Variants in MRC1 observed in about 807,000 individuals in gnomAD.
MRC1 encodes the protein mannose receptor C-type 1.
MRC1 carries 62 observed loss-of-function variants against 102.9 expected under a neutral mutation model. That is an observed-to-expected ratio of 0.60 (90% CI 0.49 to 0.74). MRC1 has a LOEUF of 0.74. MRC1 is among the 30% of genes least tolerant of loss of function. The pLI is 0.00. For synonymous variants in MRC1, 457 were observed against 298.4 expected (o/e 1.53, Z -5.48); for missense variants, 1,237 against 862.8 (o/e 1.43, Z -5.43).
Position 17,876,234 on chromosome 10 carries a change from A to G in MRC1, c.2550+981A>G, listed in dbSNP as rs1833435245. On this transcript the variant is annotated intron_variant, in intron 17 of 29. Coordinates refer to ENST00000569591, the MANE Select transcript of MRC1 (RefSeq NM_002438.4). ...GTTTAAATATTTAGTGCAGAATTGC[A>G]GAACTCAGAATCTTTTTTTTTTTTT... Among the ~76,000 whole-genome samples, 3 of 151,612 alleles carry G rather than the reference A, an allele frequency of 2.0e-5. No individual in the cohort carries two copies. The South Asian group carries it at 6.2e-4, about 32-fold the overall frequency.
At chr10:17,821,508 G>GT (rs1201034766) in intron 1 of MRC1, among the ~76,000 whole-genome samples, 1 of 151,664 alleles carries the variant, frequency 6.6e-6, no homozygotes, top group Admixed American at 6.6e-5. Context: ...TAAAGGTTTT[G>GT]TTTTTTGTTT....
At chr10:17,893,399 T>C (rs1331151461) in intron 22 of MRC1, among the ~76,000 whole-genome samples, 1 of 152,154 alleles carries the variant, frequency 6.6e-6, no homozygotes, top group Non-Finnish European at 1.5e-5. Flanking sequence ...TCAAGCGATC[T>C]TCTAGCCTTG....
chr10:17,853,225 T>A (rs1349659411), intron 8 of MRC1, 101 bp downstream of exon 8: 13 of 746,546 alleles, frequency 1.7e-5, no homozygotes, highest in Non-Finnish European at 2.7e-5. Context: ...GTTTTTATTC[T>A]ACATAAATTG....
chr10:17,847,245 G>C (rs1021972022), intron 6 of MRC1, among the ~76,000 whole-genome samples: 3 of 152,132 alleles, frequency 2.0e-5, no homozygotes, highest in African/African-American at 7.2e-5. Context: ...TTACTTTATA[G>C]TTTCTCTGGT....
chr10:17,885,700 A>G (rs1589191566), intron 22 of MRC1, among the ~76,000 whole-genome samples: 1 of 152,012 alleles, frequency 6.6e-6, no homozygotes, highest in East Asian at 1.9e-4. Context: ...CAAAAGAAAC[A>G]CTTCAACCTA....
At chr10:17,868,930 T>C (rs960014705) in intron 12 of MRC1, among the ~76,000 whole-genome samples, 3,234 of 152,324 alleles carry the variant, frequency 0.021, 114 homozygotes, top group African/African-American at 0.074. Context: ...TATTTTATTG[T>C]TACCTCTGGA....
chr10:17,892,827 T>A (rs1489520539), intron 22 of MRC1, among the ~76,000 whole-genome samples: 5 of 151,686 alleles, frequency 3.3e-5, no homozygotes, highest in African/African-American at 1.2e-4. Flanking sequence ...CTGGCCAACA[T>A]GGTGAAACCC....
chr10:17,866,822 T>C, intron 12 of MRC1, 61 bp downstream of exon 12: 4 of 779,994 alleles, frequency 5.1e-6, no homozygotes, highest in Non-Finnish European at 9.6e-6. Context: ...TAAAGAATCA[T>C]CTAAGGACAT....
chr10:17,886,198 C>T (rs951759421), intron 22 of MRC1, among the ~76,000 whole-genome samples: 531 of 151,948 alleles, frequency 3.5e-3, no homozygotes, highest in Non-Finnish European at 4.7e-3. Flanking sequence ...AGTTGACATA[C>T]GTCTATGGTG....
chr10:17,907,579 G>A lies in MRC1; in HGVS notation c.3959G>A (p.Trp1320Ter), dbSNP rs782706044. The change falls in exon 28 of 30, where the codon TGG becomes TAG. Residue 1320 changes from tryptophan (W) to a stop codon, truncating the protein, a stop_gained. Coordinates refer to ENST00000569591, the MANE Select transcript of MRC1 (RefSeq NM_002438.4). LOFTEE classifies it high-confidence loss of function. ...AACAGTCCGGTCTCCTTTGTCAACT[G>A]GAACACAGGAGATCCCTCTGGTGAA... Reference protein sequence around the residue: ...INNSPVSFVNWNTGDPSGERN... With the variant: ...INNSPVSFVN 1.3e-6 allele frequency: 1 copy of A among 780,866 alleles called. No individual in the cohort carries two copies. Among genetic ancestry groups the A allele is most frequent in the Non-Finnish European group, 2.4e-6 (1 of 417,958 alleles). 48.4% of individuals were successfully genotyped at this position (780,866 alleles called of 1,614,324 possible).
chr10:17,894,362 C>A, intron 23 of MRC1, 50 bp downstream of exon 23: 1 of 819,248 alleles, frequency 1.2e-6, no homozygotes, highest in South Asian at 1.4e-5. Flanking sequence ...GTTTTTTTTT[C>A]CCCACTTTTT....
chr10:17,892,475 G>A (rs1236777499), intron 22 of MRC1, among the ~76,000 whole-genome samples: 1 of 152,142 alleles, frequency 6.6e-6, no homozygotes, highest in African/African-American at 2.4e-5. Context: ...GGGGGCAGCT[G>A]TTTGTCTTGT....
chr10:17,883,961 C>G (rs894211175), intron 21 of MRC1, among the ~76,000 whole-genome samples: 11 of 152,118 alleles, frequency 7.2e-5, no homozygotes, highest in African/African-American at 2.7e-4. Context: ...GATGTGAGCA[C>G]TTTATTACTA....
At position 17,813,662 on chromosome 10, in the gene MRC1, T is replaced by TATACAC. The variant is rs1392444555; in HGVS notation, c.61+4137_61+4138insTACACA. On this transcript the variant is annotated intron_variant, in intron 1 of 29. Coordinates refer to ENST00000569591, the MANE Select transcript of MRC1 (RefSeq NM_002438.4). ...ATATAAATATATACATATATATATA[T>TATACAC]ACACACACACACACACACATTATAT... Among the ~76,000 whole-genome samples the TATACAC allele has an allele frequency of 1.2e-3, 167 of 138,502 alleles. 1 individual carries two copies. Among genetic ancestry groups the TATACAC allele is most frequent in the Middle Eastern group, 7.4e-3 (2 of 270 alleles). The allele number at this position is 138,502 out of a possible 152,430, so 90.9% of individuals were successfully genotyped here. A position where few individuals can be genotyped will look rare whatever the true frequency, so the allele number is the denominator to read the frequency against.
At chr10:17,832,641 G>T (rs1239436179) in intron 3 of MRC1, among the ~76,000 whole-genome samples, 1 of 149,654 alleles carries the variant, frequency 6.7e-6, no homozygotes. Context: ...AGGCTGGAGT[G>T]CAGTGACGCG....
chr10:17,873,022 C>T (rs1365748266), intron 15 of MRC1, among the ~76,000 whole-genome samples: 3 of 152,214 alleles, frequency 2.0e-5, no homozygotes, highest in African/African-American at 7.2e-5. Flanking sequence ...CAGTGGTGGC[C>T]AGTTGTCCTT....
At chr10:17,817,033 A>G (rs1838322595) in intron 1 of MRC1, among the ~76,000 whole-genome samples, 2 of 152,120 alleles carry the variant, frequency 1.3e-5, no homozygotes, top group Non-Finnish European at 2.9e-5. Flanking sequence ...GGATCACTTG[A>G]GATCAGGAGT....
chr10:17,842,197 A>C (rs1055813729), intron 5 of MRC1, among the ~76,000 whole-genome samples: 6 of 152,172 alleles, frequency 3.9e-5, no homozygotes, highest in Non-Finnish European at 7.4e-5. Context: ...TTCTGAACTC[A>C]AGTGATGTGG....
chr10:17,894,881 A>G (rs1833733923), intron 23 of MRC1, among the ~76,000 whole-genome samples: 1 of 152,118 alleles, frequency 6.6e-6, no homozygotes, highest in Non-Finnish European at 1.5e-5. Flanking sequence ...ACTTTAAAAT[A>G]TATAATCATG....
Sources: allele counts gnomAD v4.1 joint callset (sites outside exome capture counted in the v4.1 genomes callset), GRCh38; gene constraint gnomAD v4.1.1; transcripts MANE v1.5; gene names NCBI Gene and HGNC (gene_info 2026-07-23, HGNC 2026-07-21).